Variants in GRM8 observed in about 807,000 individuals in gnomAD.
The protein encoded by GRM8 is metabotropic glutamate receptor 8.
A neutral mutation model predicts 87.2 loss-of-function variants in GRM8; 47 were observed. The observed-to-expected ratio is 0.54, with a 90% CI of 0.43 to 0.69. GRM8 has a LOEUF of 0.69. GRM8 is among the 30% of genes least tolerant of loss of function. GRM8 has a pLI of 0.00. For missense variants in GRM8, 1,019 were observed against 1,139.2 expected (o/e 0.89, Z 1.52); for synonymous variants, 396 against 404.5 (o/e 0.98, Z 0.25).
intron 2 of GRM8, among the ~76,000 whole-genome samples, chr7:127,212,418 T>TTA (rs1311473009): frequency 8.0e-6 from 1 of 124,602 alleles, no homozygotes; most frequent in African/African-American, 2.9e-5. Context: ...TTATTTTTTT[T>TTA]TTTTTTTTTT....
chr7:126,792,679 T>C (rs1821483069), intron 6 of GRM8, among the ~76,000 whole-genome samples: 1 of 152,190 alleles, frequency 6.6e-6, no homozygotes, highest in East Asian at 1.9e-4. Context: ...GTTTTTCCAA[T>C]GAAAGAGAAA....
intron 8 of GRM8, among the ~76,000 whole-genome samples, chr7:126,568,601 G>A (rs1794440093): frequency 6.6e-6 from 1 of 151,992 alleles, no homozygotes; most frequent in Non-Finnish European, 1.5e-5. Flanking sequence ...TGAAGTAAAT[G>A]ATTATTCCTA....
At chr7:126,987,696 C>A (rs893445464) in intron 3 of GRM8, among the ~76,000 whole-genome samples, 4 of 152,084 alleles carry the variant, frequency 2.6e-5, no homozygotes, top group African/African-American at 7.2e-5. Flanking sequence ...ATCTCCTGAC[C>A]TCGTGATTCG....
At chr7:126,668,468 T>C (rs1236944984) in intron 7 of GRM8, among the ~76,000 whole-genome samples, 2 of 152,116 alleles carry the variant, frequency 1.3e-5, no homozygotes, top group Non-Finnish European at 2.9e-5. Context: ...CCAGGCCTTT[T>C]CATGCCTTTT....
chr7:127,109,869 C>A (rs1267208791), intron 2 of GRM8, among the ~76,000 whole-genome samples: 1 of 152,146 alleles, frequency 6.6e-6, no homozygotes, highest in East Asian at 1.9e-4. Flanking sequence ...ATTCTCCATT[C>A]GACCCTCCTG....
rs567112007 is a variant in GRM8, at chr7:126,915,261, A to G, written c.728-10578T>C. Among the ~76,000 whole-genome samples, 3 of 152,338 alleles carry G rather than the reference A, an allele frequency of 2.0e-5. No individual in the cohort carries two copies. The East Asian group carries it at 5.8e-4, about 29-fold the overall frequency. On this transcript the variant is annotated intron_variant, in intron 3 of 10. Transcript: ENST00000339582. ...TGGCTTCTTTGTACCTCTGTCCCTCATCTGAAGATTGAGAAGATGGCACCC... is the reference window on the plus strand; with the variant it reads ...TGGCTTCTTTGTACCTCTGTCCCTCGTCTGAAGATTGAGAAGATGGCACCC...
chr7:126,806,578 C>T (rs1792752253), intron 6 of GRM8, among the ~76,000 whole-genome samples: 1 of 152,240 alleles, frequency 6.6e-6, no homozygotes, highest in African/African-American at 2.4e-5. Context: ...GGTGCATTTA[C>T]AAACCTTTGG....
At chr7:126,510,378 T>A (rs915762276) in intron 9 of GRM8, among the ~76,000 whole-genome samples, 2 of 151,968 alleles carry the variant, frequency 1.3e-5, no homozygotes, top group African/African-American at 2.4e-5. Context: ...ATCGTAGTAT[T>A]CATTAAGAGA....
rs117116975 is a variant in GRM8, at chr7:126,680,589, T to C, written c.1358-71091A>G. Reference sequence around the variant, plus strand: ...TCTCAGTGGCATACAAGACAATCCATTTAATAATGCCAAGTAAGGAAGGAG... The same window carrying C: ...TCTCAGTGGCATACAAGACAATCCACTTAATAATGCCAAGTAAGGAAGGAG... On this transcript the variant is annotated intron_variant, in intron 7 of 10. Coordinates refer to ENST00000339582, the MANE Select transcript of GRM8 (RefSeq NM_000845.3). Among the ~76,000 whole-genome samples the C allele has an allele frequency of 7.9e-3, 1,211 of 152,330 alleles. 13 individuals are homozygous for C. The highest frequency in any genetic ancestry group is 0.034 in the Middle Eastern group (10 of 294).
In GRM8 at chr7:126,439,188, C is replaced by A. The variant is rs747346827; in HGVS notation, c.2678-20G>T. The A allele has an allele frequency of 7.4e-7, 1 of 1,346,564 alleles. No individual in the cohort carries two copies. The highest frequency in any genetic ancestry group is 1.1e-6 in the Non-Finnish European group (1 of 936,242). 83.4% of individuals were successfully genotyped at this position (1,346,564 alleles called of 1,614,324 possible). ...AGGAAGCTGTTAAGATAAATGAGGA[C>A]AAATTAAAATAGTATATAATAATAC... On this transcript the variant is annotated intron_variant, in intron 10 of 10. Coordinates refer to ENST00000339582, the MANE Select transcript of GRM8 (RefSeq NM_000845.3).
At chr7:126,667,192 C>T (rs1476381457) in intron 7 of GRM8, among the ~76,000 whole-genome samples, 1 of 152,184 alleles carries the variant, frequency 6.6e-6, no homozygotes, top group Non-Finnish European at 1.5e-5. Flanking sequence ...TTATTATCCT[C>T]ACTCTACAAT....
intron 6 of GRM8, among the ~76,000 whole-genome samples, chr7:126,777,813 T>C (rs1055447471): frequency 2.6e-5 from 4 of 152,172 alleles, no homozygotes; most frequent in Non-Finnish European, 5.9e-5. Flanking sequence ...AAACTTCTTA[T>C]GAATTTCAGC....
At chr7:126,760,516 G>A (rs759396791) in intron 7 of GRM8, among the ~76,000 whole-genome samples, 3 of 152,034 alleles carry the variant, frequency 2.0e-5, no homozygotes, top group Non-Finnish European at 4.4e-5. Flanking sequence ...GTGATTTAAT[G>A]GGTAAGATTA....
chr7:126,740,094 T>C (rs978345676), intron 7 of GRM8, among the ~76,000 whole-genome samples: 4 of 152,150 alleles, frequency 2.6e-5, no homozygotes, highest in Non-Finnish European at 4.4e-5. Flanking sequence ...ATTTATATAG[T>C]ATTGGTCTGA....
rs1416924782 is a variant in GRM8, at chr7:126,738,217, C to A, written c.1357+31648G>T. Among the ~76,000 whole-genome samples, 3 of 152,104 alleles carry A rather than the reference C, an allele frequency of 2.0e-5. No homozygotes were observed. In the East Asian group the frequency reaches 5.8e-4, roughly 30 times the overall value. On this transcript the variant is annotated intron_variant, in intron 7 of 10. Transcript: ENST00000339582. ...GATGTGTTAAGCCAAGGAGTTGAGG[C>A]AGGATGCTGAAAGCTGCAGGGAGCT...
At chr7:126,718,335 C>T (rs1023571813) in intron 7 of GRM8, among the ~76,000 whole-genome samples, 6 of 152,082 alleles carry the variant, frequency 3.9e-5, no homozygotes, top group Non-Finnish European at 8.8e-5. Flanking sequence ...TAAAAAAATG[C>T]GTACTTCAGT....
intron 2 of GRM8, among the ~76,000 whole-genome samples, chr7:127,172,915 C>G (rs886569360): frequency 6.6e-6 from 1 of 152,064 alleles, no homozygotes; most frequent in Non-Finnish European, 1.5e-5. Context: ...TACTTTTTGT[C>G]TCATACAAGC....
At chr7:126,872,450 G>A (rs1281560896) in intron 6 of GRM8, among the ~76,000 whole-genome samples, 1 of 152,032 alleles carries the variant, frequency 6.6e-6, no homozygotes. Context: ...AATTCTTTCC[G>A]CTACTAAGAC....
chr7:126,453,068 G>GAAACACAC (rs749400278), intron 9 of GRM8, among the ~76,000 whole-genome samples: 53 of 111,438 alleles, frequency 4.8e-4, no homozygotes, highest in Non-Finnish European at 8.6e-4. Flanking sequence ...CTTTATAGCA[G>GAAACACAC]AAACACACAC....
Sources: allele counts gnomAD v4.1 joint callset (sites outside exome capture counted in the v4.1 genomes callset), GRCh38; gene constraint gnomAD v4.1.1; transcripts MANE v1.5; gene names NCBI Gene and HGNC (gene_info 2026-07-23, HGNC 2026-07-21).